IGSF21: variants seen among roughly 807,000 people sequenced by gnomAD.
IGSF21 encodes immunoglobin superfamily member 21.
A neutral mutation model predicts 46.8 loss-of-function variants in IGSF21; 28 were observed. The ratio of observed to expected loss-of-function variants is 0.60; its 90% CI spans 0.44 to 0.82. The LOEUF (loss-of-function observed/expected upper bound fraction) is 0.82. IGSF21 is among the 40% of genes least tolerant of loss of function. IGSF21 has a pLI of 0.00. For missense variants in IGSF21, 624 were observed against 665.5 expected, an observed-to-expected ratio of 0.94 and a Z score of 0.69; for synonymous variants, 284 against 273.6, an observed-to-expected ratio of 1.04 and a Z score of -0.38.
At chr1:18,321,371 TTG>T (rs1421882904) in intron 3 of IGSF21, among the ~76,000 whole-genome samples, 5 of 152,302 alleles carry the variant, frequency 3.3e-5, no homozygotes, top group Admixed American at 6.5e-5. Context: ...CACTGATTGA[TTG>T]TGTGACCTTG....
At chr1:18,108,246 G>A in intron 1 of IGSF21, 48 bp downstream of exon 1, 1 of 1,317,740 alleles carries the variant, frequency 7.6e-7, no homozygotes, top group South Asian at 2.0e-5. Context: ...ACGTGCGCGG[G>A]GACGGGGTGC....
chr1:18,372,870 A>ATGGATGGATGGATGGG (rs2086242743), intron 6 of IGSF21, among the ~76,000 whole-genome samples: 1 of 70,958 alleles, frequency 1.4e-5, no homozygotes, highest in Non-Finnish European at 3.1e-5. Flanking sequence ...GGATGGGTGG[A>ATGGATGGATGGATGGG]TGGATGGATG....
intron 1 of IGSF21, among the ~76,000 whole-genome samples, chr1:18,173,325 T>C (rs1419209452): frequency 6.6e-6 from 1 of 152,152 alleles, no homozygotes; most frequent in East Asian, 1.9e-4. Context: ...TCAGCTTTAA[T>C]TGAGGTATAA....
intron 1 of IGSF21, among the ~76,000 whole-genome samples, chr1:18,119,568 T>C (rs2086214826): frequency 6.6e-6 from 1 of 152,228 alleles, no homozygotes; most frequent in African/African-American, 2.4e-5. Flanking sequence ...CAAGGAATCA[T>C]AGCAAGGGGG....
At chr1:18,343,691 G>T (rs187186804) in intron 4 of IGSF21, among the ~76,000 whole-genome samples, 4 of 152,192 alleles carry the variant, frequency 2.6e-5, no homozygotes, top group Non-Finnish European at 5.9e-5. Flanking sequence ...ACCATTTGTC[G>T]AACACACTAT....
At chr1:18,165,998 G>A (rs1373887613) in intron 1 of IGSF21, among the ~76,000 whole-genome samples, 1 of 152,154 alleles carries the variant, frequency 6.6e-6, no homozygotes, top group Non-Finnish European at 1.5e-5. Context: ...AGGTAGATGT[G>A]TCAGGTTATA....
chr1:18,162,541 G>A (rs1297105400), intron 1 of IGSF21, among the ~76,000 whole-genome samples: 1 of 152,198 alleles, frequency 6.6e-6, no homozygotes, highest in East Asian at 1.9e-4. Flanking sequence ...TTACTGTGGT[G>A]CAAAGTGGTT....
intron 3 of IGSF21, among the ~76,000 whole-genome samples, chr1:18,323,248 A>C (rs1181578958): frequency 2.0e-5 from 3 of 152,228 alleles, no homozygotes; most frequent in Non-Finnish European, 4.4e-5. Flanking sequence ...TCTAGTCAGG[A>C]GTAAGGGAGC....
chr1:18,323,954 T>C (rs1410835538), intron 3 of IGSF21, among the ~76,000 whole-genome samples: 1 of 152,148 alleles, frequency 6.6e-6, no homozygotes, highest in Non-Finnish European at 1.5e-5. Context: ...GCTCAGCTCT[T>C]AGGTAGTGGG....
At chr1:18,258,221 C>T (rs74485688) in intron 2 of IGSF21, among the ~76,000 whole-genome samples, 23,614 of 152,138 alleles carry the variant, frequency 0.16, 1,966 homozygotes, top group Non-Finnish European at 0.18. Flanking sequence ...TTGCACTGGG[C>T]TTTGTTGCTC....
chr1:18,292,114 G>A (rs1192488230), intron 3 of IGSF21, 127 bp downstream of exon 3: 3 of 1,004,954 alleles, frequency 3.0e-6, no homozygotes, highest in Middle Eastern at 3.3e-4. Flanking sequence ...AGGCAGAACT[G>A]GGGGCTCCCC....
chr1:18,141,237 G>C (rs1334186126), intron 1 of IGSF21, among the ~76,000 whole-genome samples: 2 of 152,196 alleles, frequency 1.3e-5, no homozygotes, highest in African/African-American at 2.4e-5. Context: ...GGAGGAGAGA[G>C]AGAGTTTAAA....
At chr1:18,279,693 T>G (rs150605580) in intron 2 of IGSF21, among the ~76,000 whole-genome samples, 3,000 of 152,282 alleles carry the variant, frequency 0.02, 235 homozygotes, top group Admixed American at 0.14. Context: ...GAGCTCGTGG[T>G]AAAGTGCTGA....
At chr1:18,300,926 C>T (rs959695386) in intron 3 of IGSF21, among the ~76,000 whole-genome samples, 10 of 152,208 alleles carry the variant, frequency 6.6e-5, no homozygotes, top group African/African-American at 2.4e-4. Context: ...CTGACTAGGA[C>T]CCTCCCTTCT....
intron 1 of IGSF21, among the ~76,000 whole-genome samples, chr1:18,183,230 T>A (rs2086873256): frequency 6.6e-6 from 1 of 152,218 alleles, no homozygotes; most frequent in African/African-American, 2.4e-5. Context: ...ATGTCCGTTT[T>A]ATAGAATATA....
At chr1:18,372,783 G>A (rs918173084) in intron 6 of IGSF21, among the ~76,000 whole-genome samples, 1 of 141,704 alleles carries the variant, frequency 7.1e-6, no homozygotes, top group African/African-American at 2.6e-5. Flanking sequence ...GATGTTTGGA[G>A]GGATGGATGA....
chr1:18,261,012 A>G (rs1238546602), intron 2 of IGSF21, among the ~76,000 whole-genome samples: 3 of 152,224 alleles, frequency 2.0e-5, no homozygotes, highest in African/African-American at 7.2e-5. Context: ...CCTCGAGACC[A>G]GAAGTGACTG....
At chr1:18,368,743 C>T (rs1027657466) in intron 6 of IGSF21, among the ~76,000 whole-genome samples, 4 of 152,156 alleles carry the variant, frequency 2.6e-5, no homozygotes, top group African/African-American at 9.7e-5. Context: ...TTTATGAAAG[C>T]CCCCTCCTGC....
chr1:18,323,460 G>A (rs1398096700), intron 3 of IGSF21, among the ~76,000 whole-genome samples: 1 of 152,182 alleles, frequency 6.6e-6, no homozygotes, highest in African/African-American at 2.4e-5. Context: ...AGAAAGATGT[G>A]GCTCAAACAT....
Sources: gnomAD v4.1 joint callset for allele counts (sites outside exome capture counted in the v4.1 genomes callset) on GRCh38, gnomAD v4.1.1 for gene constraint, MANE v1.5 for transcripts, NCBI Gene and HGNC (gene_info 2026-07-23, HGNC 2026-07-21) for gene names.